Variants in PDE10A observed in about 807,000 individuals in gnomAD.
PDE10A encodes the protein cAMP and cAMP-inhibited cGMP 3',5'-cyclic phosphodiesterase 10A.
In PDE10A, 39 loss-of-function variants were observed where a neutral mutation model predicts 97.7. The ratio of observed to expected loss-of-function variants is 0.40; its 90% confidence interval spans 0.31 to 0.52. PDE10A has a LOEUF of 0.52. Among genes scored for constraint, PDE10A ranks in the 20% least tolerant of loss-of-function variants. The pLI is 0.56. For synonymous variants in PDE10A, 371 were observed against 376.8 expected, an observed-to-expected ratio of 0.98 and a Z score of 0.18; for missense variants, 731 against 1,047.8, an observed-to-expected ratio of 0.70 and a Z score of 4.17.
intron 1 of PDE10A, among the ~76,000 whole-genome samples, chr6:165,747,154 T>C (rs1246902526): frequency 6.6e-6 from 1 of 152,246 alleles, no homozygotes; most frequent in African/African-American, 2.4e-5. Context: ...AGAAAGTGGT[T>C]GACACTTTTA....
At chr6:165,710,018 A>C (rs1454374717) in intron 1 of PDE10A, among the ~76,000 whole-genome samples, 3 of 151,906 alleles carry the variant, frequency 2.0e-5, no homozygotes. Context: ...GCCATCTCAC[A>C]GTTTTGCTCA....
At position 165,413,721 on chromosome 6, in the gene PDE10A, A is replaced by AACC. The variant is rs752928960; in HGVS notation, c.1890-35_1890-34insGGT. The AACC allele has an allele frequency of 2.6e-6, 4 of 1,538,318 alleles. No individual in the cohort carries two copies. The South Asian group carries it at 4.6e-5, about 18-fold the overall frequency. ...TGACAGAACCAAAAATAACAACAAC[A>AACC]ACAAAAGGGCAGAAGAAATAAAGGA... On this transcript the variant is annotated intron_variant, in intron 12 of 21. Coordinates refer to ENST00000539869, the MANE Select transcript of PDE10A (RefSeq NM_001385079.1).
intron 2 of PDE10A, among the ~76,000 whole-genome samples, chr6:165,493,225 G>A (rs1442424519): frequency 6.6e-6 from 1 of 152,090 alleles, no homozygotes; most frequent in Non-Finnish European, 1.5e-5. Flanking sequence ...GCTCATGGAT[G>A]GGTAGAATCA....
At chr6:165,723,985 A>C (rs1372773315) in intron 1 of PDE10A, among the ~76,000 whole-genome samples, 7 of 152,208 alleles carry the variant, frequency 4.6e-5, no homozygotes, top group Admixed American at 1.3e-4. Context: ...GCGATTCCAC[A>C]ATCAGGGCTA....
At chr6:165,979,016 A>T (rs1784928546) in intron 1 of PDE10A, among the ~76,000 whole-genome samples, 2 of 152,172 alleles carry the variant, frequency 1.3e-5, no homozygotes, top group Admixed American at 1.3e-4. Context: ...TGAGAGTGAG[A>T]TGGATCTCCC....
At chr6:165,701,892 G>A (rs1159487123) in intron 1 of PDE10A, among the ~76,000 whole-genome samples, 1 of 152,096 alleles carries the variant, frequency 6.6e-6, no homozygotes, top group Non-Finnish European at 1.5e-5. Context: ...GATGAATGAT[G>A]GTTACTGAAG....
chr6:165,624,067 G>A, intron 1 of PDE10A, among the ~76,000 whole-genome samples: 1 of 152,220 alleles, frequency 6.6e-6, no homozygotes, highest in Non-Finnish European at 1.5e-5. Context: ...CATTCATTCA[G>A]TCTGGTTCAA....
intron 1 of PDE10A, among the ~76,000 whole-genome samples, chr6:165,562,006 C>T (rs1363447099): frequency 6.6e-6 from 1 of 152,040 alleles, no homozygotes; most frequent in East Asian, 1.9e-4. Flanking sequence ...TGTGGTAGCT[C>T]ATGCCTGTAA....
chr6:165,557,140 A>C (rs1233288626), intron 1 of PDE10A, among the ~76,000 whole-genome samples: 1 of 149,842 alleles, frequency 6.7e-6, no homozygotes, highest in Non-Finnish European at 1.5e-5. Flanking sequence ...CTCCATGTCG[A>C]AAAAAAAAAA....
chr6:165,967,397 T>C (rs1420485041), intron 1 of PDE10A, among the ~76,000 whole-genome samples: 1 of 152,116 alleles, frequency 6.6e-6, no homozygotes, highest in Admixed American at 6.6e-5. Flanking sequence ...CTTGGGAGGC[T>C]GAGGCAAGAG....
chr6:165,430,434 A>T, intron 8 of PDE10A, 89 bp from the exon 9 acceptor site: 1 of 761,640 alleles, frequency 1.3e-6, no homozygotes, highest in Non-Finnish European at 2.2e-6. Flanking sequence ...TTATTTATTG[A>T]AAGAAGGCCT....
chr6:165,439,934 T>C (rs960760859), intron 5 of PDE10A, among the ~76,000 whole-genome samples: 11 of 152,214 alleles, frequency 7.2e-5, no homozygotes, highest in African/African-American at 2.7e-4. Context: ...CCTCACTTGG[T>C]TAACATTTGC....
chr6:165,397,362 A>G (rs966834819), intron 13 of PDE10A, among the ~76,000 whole-genome samples: 1 of 152,152 alleles, frequency 6.6e-6, no homozygotes, highest in African/African-American at 2.4e-5. Flanking sequence ...TTAAAATAAC[A>G]TTTTCTAAAG....
chr6:165,656,465 T>A (rs867409703), intron 1 of PDE10A, among the ~76,000 whole-genome samples: 1 of 151,836 alleles, frequency 6.6e-6, no homozygotes, highest in Admixed American at 6.6e-5. Flanking sequence ...CCGAGGACTC[T>A]GCCACCAAGA....
At chr6:165,549,901 A>G (rs561813504) in intron 1 of PDE10A, among the ~76,000 whole-genome samples, 1 of 152,350 alleles carries the variant, frequency 6.6e-6, no homozygotes, top group South Asian at 2.1e-4. Context: ...TAGGTACTAA[A>G]GGATCTATTG....
At chr6:165,786,047 C>T (rs546999140) in intron 1 of PDE10A, among the ~76,000 whole-genome samples, 24 of 152,320 alleles carry the variant, frequency 1.6e-4, no homozygotes, top group Non-Finnish European at 4.4e-5. Flanking sequence ...CAATGAGTTG[C>T]GACTTCCTAA....
chr6:165,788,509 ACT>A (rs1370204644), intron 1 of PDE10A, among the ~76,000 whole-genome samples: 1 of 109,560 alleles, frequency 9.1e-6, no homozygotes, highest in African/African-American at 3.8e-5. Context: ...CAAGAAGGAA[ACT>A]CTGTCTCAAA....
chr6:165,906,331 A>G (rs1320042331), intron 1 of PDE10A, among the ~76,000 whole-genome samples: 5 of 151,736 alleles, frequency 3.3e-5, no homozygotes, highest in African/African-American at 9.7e-5. Context: ...CCTCCTATGA[A>G]CTCACGTCCT....
At chr6:165,821,277 C>T (rs1330248437) in intron 1 of PDE10A, among the ~76,000 whole-genome samples, 1 of 152,196 alleles carries the variant, frequency 6.6e-6, no homozygotes, top group Non-Finnish European at 1.5e-5. Context: ...AACCCTCACA[C>T]TCCACTTCAC....
Sources: gnomAD v4.1 joint callset for allele counts (sites outside exome capture counted in the v4.1 genomes callset) on GRCh38, gnomAD v4.1.1 for gene constraint, MANE v1.5 for transcripts, NCBI Gene and HGNC (gene_info 2026-07-23, HGNC 2026-07-21) for gene names.